The following RYR2 variants were observed in gnomAD, a reference collection of about 807,000 sequenced individuals.
The protein encoded by RYR2 is ryanodine receptor 2.
A neutral mutation model predicts 601.1 loss-of-function variants in RYR2; 227 were observed. The observed-to-expected ratio is 0.38, with a 90% CI of 0.34 to 0.42. The LOEUF is 0.42. RYR2 is among the 10% of genes least tolerant of loss of function. The pLI, the probability that RYR2 is intolerant of heterozygous loss-of-function variation, is 1.00. For synonymous variants in RYR2, 2,223 were observed against 2,175.1 expected (o/e 1.02, Z -0.61); for missense variants, 4,646 against 6,156.5 (o/e 0.75, Z 8.21).
chr1:237,324,744 A>G (rs1298442007), intron 2 of RYR2, among the ~76,000 whole-genome samples: 1 of 152,144 alleles, frequency 6.6e-6, no homozygotes, highest in East Asian at 1.9e-4. Context: ...TCTGAATTCC[A>G]TGTTCCTGGT....
intron 1 of RYR2, among the ~76,000 whole-genome samples, chr1:237,254,690 T>C (rs1434310099): frequency 6.6e-6 from 1 of 152,224 alleles, no homozygotes; most frequent in Admixed American, 6.5e-5. Context: ...CATATATTTA[T>C]ACTTACACAT....
chr1:237,818,884 A>C (rs1219726996), intron 100 of RYR2, among the ~76,000 whole-genome samples, 152 bp from the exon 101 acceptor site: 1 of 152,154 alleles, frequency 6.6e-6, no homozygotes, highest in African/African-American at 2.4e-5. Flanking sequence ...TTGCTTCACA[A>C]CTAGAAATAC....
chr1:237,046,847 T>C (rs1010565890), intron 1 of RYR2, among the ~76,000 whole-genome samples: 3 of 152,220 alleles, frequency 2.0e-5, no homozygotes, highest in Non-Finnish European at 2.9e-5. Flanking sequence ...TCAGAAAACA[T>C]TTGTTGAACA....
intron 1 of RYR2, among the ~76,000 whole-genome samples, chr1:237,161,078 A>T (rs1371347477): frequency 6.6e-6 from 1 of 152,144 alleles, no homozygotes; most frequent in Non-Finnish European, 1.5e-5. Flanking sequence ...TAATTAGGAG[A>T]TGCTGATATT....
chr1:237,633,825 G>A (rs1680588966), intron 43 of RYR2, 115 bp downstream of exon 43: 1 of 1,048,078 alleles, frequency 9.5e-7, no homozygotes, highest in South Asian at 1.9e-5. Flanking sequence ...TTTCACAAAA[G>A]AAGACAGATA....
chr1:237,609,520 C>A (rs1187396515), intron 35 of RYR2, among the ~76,000 whole-genome samples: 3 of 152,032 alleles, frequency 2.0e-5, no homozygotes, highest in Non-Finnish European at 4.4e-5. Flanking sequence ...CAGGAACATG[C>A]CACCATTTTT....
intron 25 of RYR2, among the ~76,000 whole-genome samples, chr1:237,540,937 A>G (rs1372068214): frequency 2.6e-5 from 4 of 151,262 alleles, no homozygotes; most frequent in African/African-American, 9.7e-5. Flanking sequence ...ATATGTATGC[A>G]CACACACACA....
intron 25 of RYR2, among the ~76,000 whole-genome samples, chr1:237,547,957 A>C (rs967768882): frequency 2.0e-5 from 3 of 152,238 alleles, no homozygotes; most frequent in Non-Finnish European, 4.4e-5. Flanking sequence ...TTACAAATGC[A>C]TTTAAATTTC....
intron 97 of RYR2, chr1:237,800,109 T>C (rs1305197069): frequency 2.6e-5 from 4 of 152,206 alleles, no homozygotes; most frequent in Non-Finnish European, 5.9e-5. Context: ...ACTGATGGTA[T>C]ATTGTCACAC....
chr1:237,458,500 C>T (rs1659101530), intron 16 of RYR2, among the ~76,000 whole-genome samples: 1 of 152,136 alleles, frequency 6.6e-6, no homozygotes, highest in Non-Finnish European at 1.5e-5. Context: ...CCTTCCTTCT[C>T]TGGTTTCTTG....
chr1:237,396,259 G>C (rs1409339820), intron 10 of RYR2, among the ~76,000 whole-genome samples: 1 of 152,142 alleles, frequency 6.6e-6, no homozygotes, highest in East Asian at 1.9e-4. Flanking sequence ...TGAGGACTAT[G>C]AATGACTCCA....
At position 237,612,380 on chromosome 1, in the gene RYR2, A is replaced by G. The variant is rs1447988993; in HGVS notation, c.4910+1392A>G. Among the ~76,000 whole-genome samples, 5 of 152,230 alleles carry G rather than the reference A, an allele frequency of 3.3e-5. No individual in the cohort carries two copies. In the East Asian group the frequency reaches 9.6e-4, roughly 29 times the overall value. ...TAGTTACACAACTCCATTAATATACATAAACTATTAAATTATGTATTTTAA... is the reference window on the plus strand; with the variant it reads ...TAGTTACACAACTCCATTAATATACGTAAACTATTAAATTATGTATTTTAA... On this transcript the variant is annotated intron_variant, in intron 36 of 104. Transcript: ENST00000366574.
chr1:237,659,926 T>C (rs1021484607), intron 54 of RYR2, 59 bp from the exon 55 acceptor site: 1 of 1,139,352 alleles, frequency 8.8e-7, no homozygotes, highest in Admixed American at 2.5e-5. Context: ...CACCTGCATA[T>C]CTACAATCTC....
intron 63 of RYR2, among the ~76,000 whole-genome samples, chr1:237,697,848 A>G (rs1687629266): frequency 6.6e-6 from 1 of 152,102 alleles, no homozygotes; most frequent in Admixed American, 6.6e-5. Context: ...ATTACCAGGA[A>G]TTCTGAGACT....
chr1:237,550,233 T>C (rs1014169719), intron 26 of RYR2, among the ~76,000 whole-genome samples: 4 of 152,236 alleles, frequency 2.6e-5, no homozygotes, highest in Admixed American at 6.5e-5. Context: ...AGAAGTTATA[T>C]GTTCTCTAAG....
chr1:237,395,858 A>C (rs2149896737), intron 10 of RYR2, among the ~76,000 whole-genome samples: 1 of 151,960 alleles, frequency 6.6e-6, no homozygotes, highest in Middle Eastern at 3.4e-3. Context: ...GACTATCTTT[A>C]ACTTCCCCAC....
rs1057246712 is a variant in RYR2 at position 237,687,592 on chromosome 1, A to G, written c.9067+88A>G. 27 of 976,868 alleles carry G rather than the reference A, an allele frequency of 2.8e-5. No homozygotes were observed. The East Asian group carries it at 6.8e-4, about 25-fold the overall frequency. 60.5% of individuals were successfully genotyped at this position (976,868 alleles called of 1,614,324 possible). A position where few individuals can be genotyped will look rare whatever the true frequency, so the allele number is the denominator to read the frequency against. ...ACTGTGTTGTGTGCTGCTATGTTGC[A>G]TGGATGCATGTTTGCATGGCTGCAT... On this transcript the variant is annotated intron_variant, in intron 63 of 104. Coordinates refer to ENST00000366574, the MANE Select transcript of RYR2 (RefSeq NM_001035.3).
At chr1:237,059,370 G>T (rs1662566852) in intron 1 of RYR2, among the ~76,000 whole-genome samples, 1 of 152,110 alleles carries the variant, frequency 6.6e-6, no homozygotes, top group African/African-American at 2.4e-5. Flanking sequence ...GCAAATCTTT[G>T]CATAAGAGAG....
chr1:237,469,127 C>T lies in RYR2; in HGVS notation c.1648C>T (p.Gln550Ter). The T allele has an allele frequency of 6.2e-7, 1 of 1,613,198 alleles. No homozygotes were observed. The part of the protein sequence containing the change: ...LIRGNRKNCA[Q>*]FSGSLDWLIS... ...TAGAGGAAATCGTAAAAACTGTGCTCAATTTTCTGGCTCCCTCGACTGGTT... is the reference window on the plus strand; with the variant it reads ...TAGAGGAAATCGTAAAAACTGTGCTTAATTTTCTGGCTCCCTCGACTGGTT... The change falls in exon 17 of 105, where the codon CAA becomes TAA. Residue 550 changes from glutamine (Q) to a stop codon, truncating the protein, a stop_gained. Transcript: ENST00000366574. LOFTEE classifies it high-confidence loss of function.
Sources: gnomAD v4.1 joint callset for allele counts (sites outside exome capture counted in the v4.1 genomes callset) on GRCh38, gnomAD v4.1.1 for gene constraint, MANE v1.5 for transcripts, NCBI Gene and HGNC (gene_info 2026-07-23, HGNC 2026-07-21) for gene names.